The following PCDHGA6 variants were observed in gnomAD, a reference collection of about 807,000 sequenced individuals.
The protein encoded by PCDHGA6 is protocadherin gamma-A6.
In PCDHGA6, 41 loss-of-function variants were observed where a neutral mutation model predicts 60.6. That is an observed-to-expected ratio of 0.68 (90% CI 0.53 to 0.88). The LOEUF is 0.88. PCDHGA6 is among the 40% of genes least tolerant of loss of function. The pLI, the probability that PCDHGA6 is intolerant of heterozygous loss-of-function variation, is 0.00. For missense variants in PCDHGA6, 1,312 were observed against 1,203.0 expected (o/e 1.09, Z -1.34); for synonymous variants, 594 against 524.4 (o/e 1.13, Z -1.81).
intron 1 of PCDHGA6, chr5:141,417,860 A>G (rs1168739756): frequency 7.7e-6 from 12 of 1,549,390 alleles, no homozygotes; most frequent in African/African-American, 1.4e-5. Flanking sequence ...CGAGCGAACG[A>G]TGGGAGGGAG....
At chr5:141,503,916 C>T (rs1372491893) in intron 2 of PCDHGA6, among the ~76,000 whole-genome samples, 1 of 152,246 alleles carries the variant, frequency 6.6e-6, no homozygotes, top group African/African-American at 2.4e-5. Context: ...CAACGCAACA[C>T]ACACACAGAC....
At chr5:141,404,769 A>G in intron 1 of PCDHGA6, 2 of 1,611,124 alleles carry the variant, frequency 1.2e-6, no homozygotes, top group Non-Finnish European at 1.7e-6. Flanking sequence ...TGGCTCTCCT[A>G]CCGCCTATTC....
Position 141,485,036 on chromosome 5 carries a change from C to A in PCDHGA6, c.2425-9771C>A. ...CGCCACCAGCAAAAACGGCGCGTAA[C>A]CCTTGCGGCGCCGGCCGAACCGCGC... On this transcript the variant is annotated intron_variant, in intron 1 of 3. Coordinates refer to ENST00000517434, the MANE Select transcript of PCDHGA6 (RefSeq NM_018919.3). The surrounding 1 kb of genome is among the most constrained non-coding windows in gnomAD (Gnocchi z 5.7). 1 of 698,458 alleles carries A rather than the reference C, an allele frequency of 1.4e-6. No individual in the cohort carries two copies. The highest frequency in any genetic ancestry group is 2.5e-6 in the Non-Finnish European group (1 of 399,316). The allele number at this position is 698,458 out of a possible 1,614,324, so 43.3% of individuals were successfully genotyped here. A position where few individuals can be genotyped will look rare whatever the true frequency, so the allele number is the denominator to read the frequency against.
intron 2 of PCDHGA6, among the ~76,000 whole-genome samples, chr5:141,503,595 G>T (rs6892628): frequency 0.52 from 72,995 of 139,870 alleles, 19,322 homozygotes; most frequent in African/African-American, 0.64. Flanking sequence ...CGAGACTCCA[G>T]CTCAAAAAAA....
chr5:141,460,498 T>G (rs1028506755), intron 1 of PCDHGA6, among the ~76,000 whole-genome samples: 1 of 152,184 alleles, frequency 6.6e-6, no homozygotes. Context: ...TGGAAAAATA[T>G]GCTGAGAAGG....
At chr5:141,427,929 T>A in intron 1 of PCDHGA6, 1 of 1,582,776 alleles carries the variant, frequency 6.3e-7, no homozygotes, top group South Asian at 1.1e-5. Flanking sequence ...CCGGCGCATG[T>A]TGGTGGGCGA....
At chr5:141,399,581 A>G (rs375436846) in intron 1 of PCDHGA6, 20 of 1,613,788 alleles carry the variant, frequency 1.2e-5, no homozygotes, top group Non-Finnish European at 1.4e-5. Context: ...CAAGTCTCCT[A>G]CTCTATCATG....
intron 1 of PCDHGA6, chr5:141,408,402 G>A: frequency 1.2e-6 from 2 of 1,614,052 alleles, no homozygotes; most frequent in Non-Finnish European, 1.7e-6. Context: ...CGCAAGCTGC[G>A]AGTGAGCGCG....
At chr5:141,505,341 A>G in intron 2 of PCDHGA6, 52 bp from the exon 3 acceptor site, 3 of 1,612,728 alleles carry the variant, frequency 1.9e-6, no homozygotes, top group Non-Finnish European at 2.5e-6. Context: ...CAGGAGGGGC[A>G]TGAGCTGTGC....
At position 141,486,141 on chromosome 5, in the gene PCDHGA6, G is replaced by A. The variant is rs369317501; in HGVS notation, c.2425-8666G>A. 28 of 1,614,066 alleles carry A rather than the reference G, an allele frequency of 1.7e-5. No homozygotes were observed. The highest frequency in any genetic ancestry group is 2.3e-5 in the Non-Finnish European group (27 of 1,180,044). On this transcript the variant is annotated intron_variant, in intron 1 of 3. Transcript: ENST00000517434. This position sits in a 1 kb window ranked among gnomAD's most constrained non-coding sequence, Gnocchi z 5.0. ...TACTATGAATTTGATGTGCGGGCTC[G>A]CGATGGGGGTTCTCCAGCCATGGAG...
At chr5:141,394,549 C>T in intron 1 of PCDHGA6, 1 of 1,614,140 alleles carries the variant, frequency 6.2e-7, no homozygotes, top group Non-Finnish European at 8.5e-7. Flanking sequence ...GAGCTGGCGC[C>T]CCGCTCCGCA....
chr5:141,426,589 T>G (rs2096945227), intron 1 of PCDHGA6: 1 of 369,180 alleles, frequency 2.7e-6, no homozygotes, highest in South Asian at 2.0e-5. Context: ...ATCCTCTGTG[T>G]CATACCCTTA....
Position 141,486,271 on chromosome 5 carries a change from C to G in PCDHGA6, c.2425-8536C>G, listed in dbSNP as rs143039217. ...CCCTCCCCGAGAGTGCAGAACCTGG[C>G]ACTGTGGTGGCACTTATCAGTGTGC... On this transcript the variant is annotated intron_variant, in intron 1 of 3. Coordinates refer to ENST00000517434, the MANE Select transcript of PCDHGA6 (RefSeq NM_018919.3). The surrounding 1 kb of genome is among the most constrained non-coding windows in gnomAD (Gnocchi z 5.0). 6.2e-7 allele frequency: 1 copy of G among 1,613,968 alleles called. No homozygotes were observed. Among genetic ancestry groups the G allele is most frequent in the African/African-American group, 1.3e-5 (1 of 74,902 alleles).
Position 141,511,350 on chromosome 5 carries a change from C to T in PCDHGA6, c.*177C>T, listed in dbSNP as rs1303365585. Reference sequence around the variant, plus strand: ...CCCAGTCAGCACCTACCCCTTCCCCCCCAGGGGGTTGAATATGCAAAAGCA... The same window carrying T: ...CCCAGTCAGCACCTACCCCTTCCCCTCCAGGGGGTTGAATATGCAAAAGCA... On this transcript the variant is annotated 3_prime_UTR_variant, in exon 4 of 4. Transcript: ENST00000517434. The T allele has an allele frequency of 6.4e-6, 9 of 1,397,076 alleles. No homozygotes were observed. Among genetic ancestry groups the T allele is most frequent in the Non-Finnish European group, 8.6e-6 (9 of 1,050,666 alleles). 86.5% of individuals were successfully genotyped at this position (1,397,076 alleles called of 1,614,324 possible).
intron 1 of PCDHGA6, chr5:141,403,394 C>A: frequency 6.2e-7 from 1 of 1,614,054 alleles, no homozygotes; most frequent in South Asian, 1.1e-5. Flanking sequence ...AATCGCGGTT[C>A]CTGGAGCACG....
At chr5:141,384,790 G>T (rs999175494) in intron 1 of PCDHGA6, 2 of 1,613,416 alleles carry the variant, frequency 1.2e-6, no homozygotes, top group African/African-American at 2.7e-5. Flanking sequence ...CACGGCTCGG[G>T]CCCTGCTGGA....
At chr5:141,500,546 G>A (rs1428503967) in intron 2 of PCDHGA6, among the ~76,000 whole-genome samples, 1 of 152,126 alleles carries the variant, frequency 6.6e-6, no homozygotes, top group African/African-American at 2.4e-5. Context: ...ACCTAAATAA[G>A]TTGTTCACAA....
At chr5:141,427,492 T>C (rs894605769) in intron 1 of PCDHGA6, 1 of 555,624 alleles carries the variant, frequency 1.8e-6, no homozygotes, top group Non-Finnish European at 3.4e-6. Context: ...TATAAGCTTG[T>C]AACAGATGGG....
chr5:141,389,314 C>T (rs2091698838), intron 1 of PCDHGA6: 2 of 1,613,880 alleles, frequency 1.2e-6, no homozygotes, highest in Non-Finnish European at 8.5e-7. Context: ...GCTTCTGATC[C>T]GGACTTGGGG....
Sources: allele counts gnomAD v4.1 joint callset (sites outside exome capture counted in the v4.1 genomes callset), GRCh38; gene constraint gnomAD v4.1.1; non-coding constraint Gnocchi (gnomAD v3.1); transcripts MANE v1.5; gene names NCBI Gene and HGNC (gene_info 2026-07-23, HGNC 2026-07-21).